The following SDK1 variants were observed in gnomAD, a reference collection of about 807,000 sequenced individuals.
The protein encoded by SDK1 is sidekick cell adhesion molecule 1, also known as protein sidekick-1.
A neutral mutation model predicts 245.5 loss-of-function variants in SDK1; 157 were observed. The observed-to-expected ratio is 0.64, with a 90% CI of 0.56 to 0.73. The LOEUF is 0.73. Among genes scored for constraint, SDK1 ranks in the 30% least tolerant of loss-of-function variants. SDK1 has a pLI of 0.00. For missense variants in SDK1, 3,583 were observed against 3,002.3 expected, an observed-to-expected ratio of 1.19 and a Z score of -4.52; for synonymous variants, 1,647 against 1,278.5, an observed-to-expected ratio of 1.29 and a Z score of -6.15.
At chr7:4,010,510 A>G (rs888400109) in intron 14 of SDK1, among the ~76,000 whole-genome samples, 2 of 152,204 alleles carry the variant, frequency 1.3e-5, no homozygotes, top group Non-Finnish European at 2.9e-5. Flanking sequence ...TACACAGCCC[A>G]TCTGTCTTTA....
intron 1 of SDK1, among the ~76,000 whole-genome samples, chr7:3,450,000 G>A (rs752198972): frequency 9.2e-5 from 14 of 152,206 alleles, no homozygotes; most frequent in Non-Finnish European, 1.6e-4. Flanking sequence ...TCATGGAAGT[G>A]GTCACATCGG....
At chr7:3,440,272 T>C (rs531528494) in intron 1 of SDK1, among the ~76,000 whole-genome samples, 1 of 152,300 alleles carries the variant, frequency 6.6e-6, no homozygotes, top group Non-Finnish European at 1.5e-5. Flanking sequence ...CATTCAGGTA[T>C]ATTTTTTCAA....
chr7:3,621,908 C>T (rs747710459), intron 2 of SDK1, among the ~76,000 whole-genome samples: 13 of 152,144 alleles, frequency 8.5e-5, no homozygotes, highest in African/African-American at 2.7e-4. Flanking sequence ...TTTGACTTTA[C>T]GCAGTTGAGA....
At position 4,125,167 on chromosome 7, in the gene SDK1, G is replaced by A. The variant is rs575190088; in HGVS notation, c.3824-2214G>A. The stretch of plus-strand genomic sequence containing the variant: ...TGATCGATTTATGGATGGATGGATG[G>A]GTGGATGGATGGATGGATGGGTGAT... On this transcript the variant is annotated intron_variant, in intron 25 of 44. Coordinates refer to ENST00000404826, the MANE Select transcript of SDK1 (RefSeq NM_152744.4). 6.8e-4 allele frequency among the ~76,000 whole-genome samples: 101 copies of A among 148,730 alleles called. 1 individual carries two copies. Among genetic ancestry groups the A allele is most frequent in the African/African-American group, 2.4e-3 (96 of 39,474 alleles).
At chr7:3,456,941 T>G (rs1486299770) in intron 1 of SDK1, among the ~76,000 whole-genome samples, 1 of 152,170 alleles carries the variant, frequency 6.6e-6, no homozygotes. Context: ...TCTTGCTGTT[T>G]GGGTGTCTTT....
chr7:3,535,519 T>G (rs1457264040), intron 1 of SDK1, among the ~76,000 whole-genome samples: 1 of 152,104 alleles, frequency 6.6e-6, no homozygotes, highest in Non-Finnish European at 1.5e-5. Flanking sequence ...ATACTATTCT[T>G]TAGTAGTGTG....
At chr7:3,638,887 T>C (rs1010675682) in intron 2 of SDK1, 117 bp from the exon 3 acceptor site, 9 of 476,230 alleles carry the variant, frequency 1.9e-5, no homozygotes, top group African/African-American at 1.4e-4. Flanking sequence ...ATAAAATATT[T>C]GTTGAGCATA....
At chr7:3,325,237 T>A (rs1350142498) in intron 1 of SDK1, among the ~76,000 whole-genome samples, 1 of 152,158 alleles carries the variant, frequency 6.6e-6, no homozygotes, top group Admixed American at 6.6e-5. Flanking sequence ...GGATTCGTGA[T>A]CTGAGCATTA....
At chr7:3,418,241 C>T (rs1021261453) in intron 1 of SDK1, among the ~76,000 whole-genome samples, 13 of 151,678 alleles carry the variant, frequency 8.6e-5, no homozygotes, top group Admixed American at 2.6e-4. Context: ...TGCTTGAGCC[C>T]GGGAGGCGGA....
intron 1 of SDK1, among the ~76,000 whole-genome samples, chr7:3,576,620 T>A (rs1219363482): frequency 1.3e-5 from 2 of 152,064 alleles, no homozygotes; most frequent in Non-Finnish European, 2.9e-5. Flanking sequence ...ATGTAAGTCA[T>A]AATATATTCT....
rs566802569 is a variant in SDK1 at position 4,005,623 on chromosome 7, A to G, written c.2132-5343A>G. ...TCCTGGAGTGAAAAAGAGGCGCAGT[A>G]AGACCTCCTCCCCAAGCGGGTTTCT... On this transcript the variant is annotated intron_variant, in intron 14 of 44. Transcript: ENST00000404826. 4.2e-3 allele frequency among the ~76,000 whole-genome samples: 644 copies of G among 152,260 alleles called. 2 individuals carry two copies. Among genetic ancestry groups the G allele is most frequent in the Non-Finnish European group, 7.5e-3 (507 of 68,022 alleles).
intron 1 of SDK1, among the ~76,000 whole-genome samples, chr7:3,435,496 AATTATT>A (rs1227851622): frequency 6.0e-5 from 9 of 150,564 alleles, no homozygotes; most frequent in Admixed American, 4.6e-4. Context: ...ACGCCCAGCT[AATTATT>A]ATGATTATGA....
At chr7:4,197,599 C>T (rs1399985402) in intron 35 of SDK1, among the ~76,000 whole-genome samples, 1 of 152,242 alleles carries the variant, frequency 6.6e-6, no homozygotes. Flanking sequence ...CTGTAAAACC[C>T]CATCCGCAGC....
In SDK1 at chr7:4,120,114, G is replaced by C. The variant is rs935453095; in HGVS notation, c.3823+5840G>C. Among the ~76,000 whole-genome samples the C allele has an allele frequency of 1.6e-5, 2 of 125,264 alleles. 1 individual carries two copies. Among genetic ancestry groups the C allele is most frequent in the Non-Finnish European group, 3.6e-5 (2 of 55,406 alleles). The allele number at this position is 125,264 out of a possible 152,430, so 82.2% of individuals were successfully genotyped here. ...CTCTTAAAACAACATAAAGACATAA[G>C]ATTGAAAATAGAGATTAAAAGACTT... is the stretch of plus-strand genomic sequence containing the variant. On this transcript the variant is annotated intron_variant, in intron 25 of 44. Coordinates refer to ENST00000404826, the MANE Select transcript of SDK1 (RefSeq NM_152744.4).
At chr7:3,628,228 C>A (rs1327982836) in intron 2 of SDK1, among the ~76,000 whole-genome samples, 3 of 152,114 alleles carry the variant, frequency 2.0e-5, no homozygotes, top group Non-Finnish European at 4.4e-5. Context: ...CTTGTGGCTA[C>A]ATAGTTCTGT....
intron 5 of SDK1, among the ~76,000 whole-genome samples, chr7:3,936,331 C>T (rs1480882856): frequency 6.6e-6 from 1 of 151,998 alleles, no homozygotes; most frequent in African/African-American, 2.4e-5. Flanking sequence ...CCTGTAATCC[C>T]AGCACTTTGG....
At position 3,776,942 on chromosome 7, in the gene SDK1, C is replaced by A. The variant is rs115888693; in HGVS notation, c.714-44508C>A. Reference sequence around the variant, plus strand: ...TCATAGAGCACGGTGTATACCCACACGGACTGTGATCCAGGAAGAAAGATC... The same window carrying A: ...TCATAGAGCACGGTGTATACCCACAAGGACTGTGATCCAGGAAGAAAGATC... On this transcript the variant is annotated intron_variant, in intron 4 of 44. Coordinates refer to ENST00000404826, the MANE Select transcript of SDK1 (RefSeq NM_152744.4). 5.3e-3 allele frequency among the ~76,000 whole-genome samples: 804 copies of A among 152,244 alleles called. 6 individuals are homozygous for A. The highest frequency in any genetic ancestry group is 0.018 in the African/African-American group (748 of 41,568).
intron 4 of SDK1, among the ~76,000 whole-genome samples, chr7:3,668,826 T>C (rs995857371): frequency 1.3e-5 from 2 of 152,190 alleles, no homozygotes; most frequent in Admixed American, 1.3e-4. Flanking sequence ...TTGCCTTTTA[T>C]GATGAGCCTT....
intron 1 of SDK1, among the ~76,000 whole-genome samples, chr7:3,343,943 A>G (rs571840813): frequency 2.0e-5 from 3 of 152,110 alleles, no homozygotes; most frequent in East Asian, 3.9e-4. Context: ...CATATTATTG[A>G]TAAAAGACAT....
Sources: allele counts gnomAD v4.1 joint callset (sites outside exome capture counted in the v4.1 genomes callset), GRCh38; gene constraint gnomAD v4.1.1; transcripts MANE v1.5; gene names NCBI Gene and HGNC (gene_info 2026-07-23, HGNC 2026-07-21).